The following FMO2 variants were observed in gnomAD, a reference collection of about 807,000 sequenced individuals.
FMO2 encodes the protein flavin-containing monooxygenase 2.
A neutral mutation model predicts 41.6 loss-of-function variants in FMO2; 33 were observed. That is an observed-to-expected ratio of 0.79 (90% CI 0.60 to 1.06). The LOEUF (loss-of-function observed/expected upper bound fraction) is 1.06, where lower values mean the gene tolerates loss of function less well. Among genes scored for constraint, FMO2 ranks in the 50% least tolerant of loss-of-function variants. The pLI, the probability that FMO2 is intolerant of heterozygous loss-of-function variation, is 0.00. For synonymous variants in FMO2, 214 were observed against 219.6 expected (o/e 0.97, Z 0.23); for missense variants, 619 against 632.9 (o/e 0.98, Z 0.23).
intron 4 of FMO2, 37 bp from the exon 5 acceptor site, chr1:171,199,309 C>G: frequency 6.6e-7 from 1 of 1,519,424 alleles, no homozygotes; most frequent in Non-Finnish European, 8.8e-7. Flanking sequence ...CATAGTTGCT[C>G]TGGAGCTCAC....
chr1:171,195,767 AAATT>A (rs1170171418), intron 3 of FMO2, among the ~76,000 whole-genome samples: 6 of 151,388 alleles, frequency 4.0e-5, no homozygotes, highest in South Asian at 2.1e-4. Context: ...ACAATTTTAA[AAATT>A]AACAGACCTC....
Position 171,205,274 on chromosome 1 carries a change from C to G in FMO2, c.828-5C>G. ...TTCAGAATGTTTTTCTTCTGTATGT[C>G]TCAGATACATTATGAAGGAACCTGT... On this transcript the variant is annotated splice_region_variant and splice_polypyrimidine_tract_variant and intron_variant, in intron 6 of 8. Coordinates refer to ENST00000209929, the MANE Select transcript of FMO2 (RefSeq NM_001460.5). 1 of 1,554,164 alleles carries G rather than the reference C, an allele frequency of 6.4e-7. No homozygotes were observed. The highest frequency in any genetic ancestry group is 1.4e-5 in the African/African-American group (1 of 73,458).
At chr1:171,204,355 T>C (rs1658665619) in intron 6 of FMO2, among the ~76,000 whole-genome samples, 1 of 152,150 alleles carries the variant, frequency 6.6e-6, no homozygotes, top group Non-Finnish European at 1.5e-5. Flanking sequence ...TTTCAAGAGA[T>C]TACGACCTGC....
chr1:171,195,098 G>A (rs568425966), intron 3 of FMO2, among the ~76,000 whole-genome samples: 15 of 152,198 alleles, frequency 9.9e-5, no homozygotes, highest in East Asian at 3.9e-4. Flanking sequence ...TGTTAGAGTC[G>A]CAAGGAAGTC....
chr1:171,209,281 A>C lies in FMO2; in HGVS notation c.*136A>C. On this transcript the variant is annotated 3_prime_UTR_variant, in exon 9 of 9. Coordinates refer to ENST00000209929, the MANE Select transcript of FMO2 (RefSeq NM_001460.5). ...GTTAGGTAGTACAGGTAAGGGGGAA[A>C]TTGTAAAGAATTAGCAGAATTAGGC... is the stretch of plus-strand genomic sequence containing the variant. 1.0e-5 allele frequency: 4 copies of C among 399,052 alleles called. No individual in the cohort carries two copies. The highest frequency in any genetic ancestry group is 6.2e-5 in the African/African-American group (3 of 48,662). The allele number at this position is 399,052 out of a possible 1,614,324, so 24.7% of individuals were successfully genotyped here. A position where few individuals can be genotyped will look rare whatever the true frequency, so the allele number is the denominator to read the frequency against.
rs781062448 is a variant in FMO2 at position 171,193,354 on chromosome 1, G to T, written c.152G>T (p.Arg51Leu). The T allele has an allele frequency of 6.2e-7, 1 of 1,602,344 alleles. No homozygotes were observed. The highest frequency in any genetic ancestry group is 1.1e-5 in the South Asian group (1 of 88,584). Reference protein sequence around the residue: ...WRFKENVEDGRASIYQSVVTN... With the variant: ...WRFKENVEDGLASIYQSVVTN... ...CTTCAGGAGAATGTGGAAGATGGCC[G>T]AGCAAGTATCTATCAATCTGTCGTT... Residue 51 changes from arginine to leucine, a missense_variant, in exon 3 of 9, where the codon CGA becomes CTA. Arg to Leu is a moderately radical substitution (Grantham distance 102). Transcript: ENST00000209929.
intron 2 of FMO2, chr1:171,186,107 T>A (rs1309896079): frequency 1.1e-5 from 3 of 277,790 alleles, no homozygotes; most frequent in African/African-American, 2.2e-5. Flanking sequence ...CCCATACTTC[T>A]GTCATTCTTT....
In FMO2 at chr1:171,209,110, G is replaced by C. The variant is rs983288979; in HGVS notation, c.1573G>C (p.Val525Leu). Reference protein sequence around the residue: ...LLKILGLLAVVVAFFCQLQWS With the variant: ...LLKILGLLAVLVAFFCQLQWS ...GAAAATCCTGGGCCTTCTTGCTGTT[G>C]TTGTGGCCTTTTTTTGCCAACTTCA... The change falls in exon 9 of 9, where the codon GTT becomes CTT. Residue 525 changes from valine (V) to leucine (L), a missense_variant. Val to Leu is a conservative substitution (Grantham distance 32). Transcript: ENST00000209929. 5.1e-6 allele frequency: 4 copies of C among 777,942 alleles called. No individual in the cohort carries two copies. The African/African-American group carries it at 7.1e-5, about 14-fold the overall frequency. 48.2% of individuals were successfully genotyped at this position (777,942 alleles called of 1,614,324 possible).
At chr1:171,206,772 G>C (rs1471400668) in intron 7 of FMO2, among the ~76,000 whole-genome samples, 1 of 152,184 alleles carries the variant, frequency 6.6e-6, no homozygotes, top group Non-Finnish European at 1.5e-5. Flanking sequence ...AGTGGGGAAA[G>C]ACTACAGCCT....
intron 5 of FMO2, among the ~76,000 whole-genome samples, chr1:171,201,268 C>T (rs2102003321): frequency 6.6e-6 from 1 of 152,224 alleles, no homozygotes; most frequent in Middle Eastern, 3.4e-3. Context: ...AATTCTGGGG[C>T]TATGCATGTG....
chr1:171,201,658 T>C (rs1315788257), intron 5 of FMO2, among the ~76,000 whole-genome samples: 3 of 152,176 alleles, frequency 2.0e-5, no homozygotes, highest in Non-Finnish European at 2.9e-5. Flanking sequence ...TGCTGCATCA[T>C]TGTATTAGTC....
intron 2 of FMO2, among the ~76,000 whole-genome samples, chr1:171,192,331 G>A (rs1308043657): frequency 6.6e-6 from 1 of 152,042 alleles, no homozygotes; most frequent in African/African-American, 2.4e-5. Flanking sequence ...AACTCTCTTT[G>A]GATCTTAATA....
intron 3 of FMO2, among the ~76,000 whole-genome samples, chr1:171,195,121 T>A (rs1189034000): frequency 6.6e-6 from 1 of 152,234 alleles, no homozygotes; most frequent in East Asian, 1.9e-4. Flanking sequence ...TTCTCTTGGT[T>A]ATTGTGTTAC....
intron 7 of FMO2, 112 bp from the exon 8 acceptor site, chr1:171,207,605 CT>C: frequency 1.3e-6 from 1 of 770,646 alleles, no homozygotes. Context: ...CACGGAAGCC[CT>C]GACTGGTATG....
In FMO2 at chr1:171,193,537, G is replaced by A. The variant is rs766921879; in HGVS notation, c.321+14G>A. 8 of 1,541,404 alleles carry A rather than the reference G, an allele frequency of 5.2e-6. No homozygotes were observed. The highest frequency in any genetic ancestry group is 4.5e-6 in the Non-Finnish European group (5 of 1,121,816). The stretch of plus-strand genomic sequence containing the variant: ...ATTCAGTTCCAGGTATTGTATTTTT[G>A]GGGAAATGGGTTTCTCTGCATTAGT... On this transcript the variant is annotated intron_variant, in intron 3 of 8. Coordinates refer to ENST00000209929, the MANE Select transcript of FMO2 (RefSeq NM_001460.5).
In FMO2 at chr1:171,212,533, TTTC is replaced by T. The variant is rs1289979730; in HGVS notation, c.*3391_*3393del. Among the ~76,000 whole-genome samples the T allele has an allele frequency of 2.6e-5, 4 of 152,284 alleles. No homozygotes were observed. Among genetic ancestry groups the T allele is most frequent in the African/African-American group, 9.6e-5 (4 of 41,546 alleles). ...CTTTTAGCTATTCCCTTTATGATAG[TTTC>T]TTAATTTTTTCTATCAAAAGCTAAA... is the stretch of plus-strand genomic sequence containing the variant. On this transcript the variant is annotated 3_prime_UTR_variant, in exon 9 of 9. Transcript: ENST00000209929.
chr1:171,189,193 C>T (rs1031279452), intron 2 of FMO2, among the ~76,000 whole-genome samples: 3 of 148,426 alleles, frequency 2.0e-5, no homozygotes, highest in African/African-American at 7.6e-5. Flanking sequence ...CTTGTATTCA[C>T]GTGGGAGTTA....
chr1:171,199,599 G>A, intron 5 of FMO2, 111 bp downstream of exon 5: 2 of 994,932 alleles, frequency 2.0e-6, no homozygotes, highest in Non-Finnish European at 2.9e-6. Context: ...TAGTTGGTTG[G>A]TAGCGCATTG....
intron 4 of FMO2, among the ~76,000 whole-genome samples, chr1:171,197,972 G>A (rs1055183504): frequency 1.3e-5 from 2 of 152,084 alleles, no homozygotes; most frequent in Admixed American, 1.3e-4. Flanking sequence ...TAAAATATTC[G>A]GTTTCAGATA....
Sources: allele counts gnomAD v4.1 joint callset (sites outside exome capture counted in the v4.1 genomes callset), GRCh38; gene constraint gnomAD v4.1.1; transcripts MANE v1.5; gene names NCBI Gene and HGNC (gene_info 2026-07-23, HGNC 2026-07-21).